The following VAV2 variants were observed in gnomAD, a reference collection of about 807,000 sequenced individuals.
The protein encoded by VAV2 is guanine nucleotide exchange factor VAV2.
A neutral mutation model predicts 132.5 loss-of-function variants in VAV2; 67 were observed. That is an observed-to-expected ratio of 0.51 (90% CI 0.42 to 0.62). The LOEUF (loss-of-function observed/expected upper bound fraction) is 0.62. Ranked by LOEUF, VAV2 falls within the 20% of genes least tolerant of loss-of-function variation. VAV2 has a pLI of 0.00. For missense variants in VAV2, 938 were observed against 1,153.6 expected (o/e 0.81, Z 2.71); for synonymous variants, 492 against 443.5 (o/e 1.11, Z -1.37).
At chr9:133,821,275 C>T (rs1373107125) in intron 4 of VAV2, among the ~76,000 whole-genome samples, 1 of 152,242 alleles carries the variant, frequency 6.6e-6, no homozygotes, top group Admixed American at 6.5e-5. Flanking sequence ...GCAGGCCAGT[C>T]CTCATCACTT....
chr9:133,963,312 C>T (rs564803295), intron 1 of VAV2, among the ~76,000 whole-genome samples: 1 of 152,178 alleles, frequency 6.6e-6, no homozygotes, highest in African/African-American at 2.4e-5. Flanking sequence ...TCAGGAAGAC[C>T]CAGGAAACGC....
At chr9:133,945,233 T>C (rs1350784061) in intron 1 of VAV2, among the ~76,000 whole-genome samples, 3 of 152,186 alleles carry the variant, frequency 2.0e-5, no homozygotes, top group African/African-American at 7.2e-5. Flanking sequence ...AATCCCATTA[T>C]TTTTTCTTTT....
intron 1 of VAV2, among the ~76,000 whole-genome samples, chr9:133,939,808 CAA>C (rs1841069692): frequency 6.6e-6 from 1 of 152,260 alleles, no homozygotes; most frequent in South Asian, 2.1e-4. Context: ...GGGCCACCCC[CAA>C]GAAGCCACGG....
At chr9:133,817,053 TG>T (rs1286528628) in intron 4 of VAV2, among the ~76,000 whole-genome samples, 1 of 152,220 alleles carries the variant, frequency 6.6e-6, no homozygotes, top group Non-Finnish European at 1.5e-5. Context: ...GACACTGCAT[TG>T]AGTCTACAGT....
intron 2 of VAV2, among the ~76,000 whole-genome samples, chr9:133,901,422 G>A (rs1285305269): frequency 2.0e-5 from 3 of 152,238 alleles, no homozygotes; most frequent in Admixed American, 2.0e-4. Flanking sequence ...AAGAGGCAGG[G>A]TCTGTGTCCT....
chr9:133,971,425 G>C (rs1177984837), intron 1 of VAV2, among the ~76,000 whole-genome samples: 1 of 152,156 alleles, frequency 6.6e-6, no homozygotes, highest in African/African-American at 2.4e-5. Context: ...CTCTAGCCTA[G>C]AAACTGTCCT....
chr9:133,880,076 A>C (rs1261823837), intron 2 of VAV2, among the ~76,000 whole-genome samples: 1 of 152,260 alleles, frequency 6.6e-6, no homozygotes, highest in Non-Finnish European at 1.5e-5. Context: ...GAAAGAAGAG[A>C]CGCTGCATGG....
Position 133,989,642 on chromosome 9 carries a change from G to A in VAV2, c.204+2433C>T, listed in dbSNP as rs547215410. On this transcript the variant is annotated intron_variant, in intron 1 of 29. Coordinates refer to ENST00000371850, the MANE Select transcript of VAV2 (RefSeq NM_001134398.2). ...GGAGGTTGCAGTGAGCTGAGATTGC[G>A]CCACCGCACTCCAGCCTGGGCGACA... 2.7e-4 allele frequency among the ~76,000 whole-genome samples: 41 copies of A among 152,134 alleles called. 1 individual carries two copies. The South Asian group carries it at 8.1e-3, about 30-fold the overall frequency.
intron 2 of VAV2, among the ~76,000 whole-genome samples, chr9:133,920,990 T>C (rs1840278159): frequency 6.6e-6 from 1 of 152,232 alleles, no homozygotes; most frequent in African/African-American, 2.4e-5. Flanking sequence ...ATTGGGGATA[T>C]AGCTCATAAT....
At chr9:133,869,518 G>A (rs189287789) in intron 2 of VAV2, among the ~76,000 whole-genome samples, 3 of 152,294 alleles carry the variant, frequency 2.0e-5, no homozygotes, top group East Asian at 3.9e-4. Flanking sequence ...GCTGAGGTGG[G>A]AGGATCACTT....
At chr9:133,989,507 G>C (rs939529029) in intron 1 of VAV2, among the ~76,000 whole-genome samples, 2 of 131,428 alleles carry the variant, frequency 1.5e-5, no homozygotes, top group African/African-American at 5.8e-5. Flanking sequence ...GCAATAGAGC[G>C]AGACTCTATC....
Position 133,958,512 on chromosome 9 carries a change from T to C in VAV2, c.205-19293A>G, listed in dbSNP as rs370042555. Among the ~76,000 whole-genome samples, 37 of 151,142 alleles carry C rather than the reference T, an allele frequency of 2.4e-4. No individual in the cohort carries two copies. The East Asian group carries it at 6.4e-3, about 26-fold the overall frequency. On this transcript the variant is annotated intron_variant, in intron 1 of 29. Transcript: ENST00000371850. ...TTGTCTGCTGACCCTCTCCCCACTA[T>C]TGTCTTGTGACCCTGACACATCCCC... is the stretch of plus-strand genomic sequence containing the variant.
At chr9:133,765,007 C>G (rs552528909) in intron 29 of VAV2, among the ~76,000 whole-genome samples, 2 of 152,218 alleles carry the variant, frequency 1.3e-5, no homozygotes, top group South Asian at 2.1e-4. Flanking sequence ...AAAATGAACT[C>G]AAAACAACTC....
intron 2 of VAV2, among the ~76,000 whole-genome samples, chr9:133,905,797 G>A (rs1489735297): frequency 6.6e-6 from 1 of 152,100 alleles, no homozygotes; most frequent in Non-Finnish European, 1.5e-5. Flanking sequence ...AGCACTTTGG[G>A]AGGCCGAGAC....
chr9:133,875,085 G>A (rs1302273495), intron 2 of VAV2, among the ~76,000 whole-genome samples: 3 of 152,210 alleles, frequency 2.0e-5, no homozygotes, highest in Non-Finnish European at 2.9e-5. Context: ...AGGCTCTCCC[G>A]CTGCAGACCC....
At chr9:133,798,585 G>C (rs1292688672) in intron 9 of VAV2, among the ~76,000 whole-genome samples, 1 of 152,180 alleles carries the variant, frequency 6.6e-6, no homozygotes, top group Non-Finnish European at 1.5e-5. Flanking sequence ...TGGAGCCTCA[G>C]GGTCTTAGGT....
chr9:133,900,041 T>TA lies in VAV2; in HGVS notation c.322-38610dup, dbSNP rs1564448779. The stretch of plus-strand genomic sequence containing the variant: ...ATCTCAAAAAAAATAAATAAATAAA[T>TA]AAATAAAAATAGCTGGGCATAGTGG... On this transcript the variant is annotated intron_variant, in intron 2 of 29. Transcript: ENST00000371850. Among the ~76,000 whole-genome samples, 48 of 131,460 alleles carry TA rather than the reference T, an allele frequency of 3.7e-4. 1 individual carries two copies. The East Asian group carries it at 9.2e-3, about 25-fold the overall frequency. 86.2% of individuals were successfully genotyped at this position (131,460 alleles called of 152,430 possible).
intron 2 of VAV2, among the ~76,000 whole-genome samples, chr9:133,936,680 C>T (rs1840922739): frequency 6.6e-6 from 1 of 152,212 alleles, no homozygotes; most frequent in Admixed American, 6.5e-5. Flanking sequence ...CAAACACCTC[C>T]TGTGGACCTC....
intron 23 of VAV2, among the ~76,000 whole-genome samples, chr9:133,777,176 C>A (rs544980243): frequency 6.6e-6 from 1 of 152,240 alleles, no homozygotes; most frequent in South Asian, 2.1e-4. Context: ...GACACCCGAT[C>A]GGCTGAGCCC....
Sources: allele counts gnomAD v4.1 joint callset (sites outside exome capture counted in the v4.1 genomes callset), GRCh38; gene constraint gnomAD v4.1.1; transcripts MANE v1.5; gene names NCBI Gene and HGNC (gene_info 2026-07-23, HGNC 2026-07-21).